The following UBXN4 variants were observed in gnomAD, a reference collection of about 807,000 sequenced individuals.
The protein encoded by UBXN4 is UBX domain-containing protein 4.
Under a neutral mutation model 66.2 loss-of-function variants are expected in UBXN4, and 35 were observed. The ratio of observed to expected loss-of-function variants is 0.53; its 90% confidence interval spans 0.40 to 0.70. The LOEUF (loss-of-function observed/expected upper bound fraction) is 0.70, where lower values mean the gene tolerates loss of function less well. Among genes scored for constraint, UBXN4 ranks in the 30% least tolerant of loss-of-function variants. UBXN4 has a pLI of 0.00. For missense variants in UBXN4, 533 were observed against 599.8 expected (o/e 0.89, Z 1.16); for synonymous variants, 203 against 204.5 (o/e 0.99, Z 0.06).
chr2:135,778,731 G>A (rs1447757884), intron 10 of UBXN4, among the ~76,000 whole-genome samples: 1 of 152,124 alleles, frequency 6.6e-6, no homozygotes, highest in Non-Finnish European at 1.5e-5. Flanking sequence ...CTATTTTGTG[G>A]TCATCTTTGA....
intron 9 of UBXN4, among the ~76,000 whole-genome samples, chr2:135,774,947 G>T (rs573891971): frequency 6.6e-6 from 1 of 152,052 alleles, no homozygotes; most frequent in African/African-American, 2.4e-5. Flanking sequence ...AAAAGAACCT[G>T]TGACTCAATT....
Position 135,782,820 on chromosome 2 carries a change from T to G in UBXN4, c.1460T>G (p.Leu487Ter), listed in dbSNP as rs953595534. 5.0e-6 allele frequency: 8 copies of G among 1,613,800 alleles called. No individual in the cohort carries two copies. Among genetic ancestry groups the G allele is most frequent in the Non-Finnish European group, 6.8e-6 (8 of 1,179,906 alleles). Residue 487 changes from leucine to a stop codon, truncating the protein, a stop_gained, in exon 13 of 13, where the codon TTA becomes TGA. Coordinates refer to ENST00000272638, the MANE Select transcript of UBXN4 (RefSeq NM_014607.4). LOFTEE classifies it high-confidence loss of function. Reference sequence around the variant, plus strand: ...AAAAAGGAGGGGAAAATTTATAGATTAAGGACTCAAGATGATGGTGAAGAT... The same window carrying G: ...AAAAAGGAGGGGAAAATTTATAGATGAAGGACTCAAGATGATGGTGAAGAT... ...DFKKEGKIYR[L>*]RTQDDGEDEN...
In UBXN4 at chr2:135,755,752, AAATATT is replaced by A. The variant is rs1273208413; in HGVS notation, c.508+68_508+73del. ...GCTCCTTCACTACATTTTAATATTTAAATATTAATATTTTAAAAATATATTGTATGT... is the reference window on the plus strand; with the variant it reads ...GCTCCTTCACTACATTTTAATATTTAAATATTTTAAAAATATATTGTATGT... On this transcript the variant is annotated intron_variant, in intron 5 of 12. Coordinates refer to ENST00000272638, the MANE Select transcript of UBXN4 (RefSeq NM_014607.4). 20 of 1,035,378 alleles carry A rather than the reference AAATATT, an allele frequency of 1.9e-5. No homozygotes were observed. In the African/African-American group the frequency reaches 2.7e-4, roughly 14 times the overall value. The allele number at this position is 1,035,378 out of a possible 1,614,324, so 64.1% of individuals were successfully genotyped here. A position where few individuals can be genotyped will look rare whatever the true frequency, so the allele number is the denominator to read the frequency against.
chr2:135,782,631 TTAGA>T, intron 12 of UBXN4, 114 bp from the exon 13 acceptor site: 1 of 1,240,556 alleles, frequency 8.1e-7, no homozygotes, highest in Non-Finnish European at 1.1e-6. Flanking sequence ...TTTCCTTACT[TTAGA>T]TGGCATTAAA....
intron 2 of UBXN4, among the ~76,000 whole-genome samples, chr2:135,750,609 A>G (rs1482393983): frequency 6.6e-6 from 1 of 152,210 alleles, no homozygotes; most frequent in Admixed American, 6.5e-5. Flanking sequence ...ATCAAGTCGT[A>G]GTATAGCCTG....
rs1194335284 is a variant in UBXN4 at position 135,770,608 on chromosome 2, G to C, written c.695G>C (p.Gly232Ala). 2 of 1,536,888 alleles carry C rather than the reference G, an allele frequency of 1.3e-6. No individual in the cohort carries two copies. Among genetic ancestry groups the C allele is most frequent in the Non-Finnish European group, 1.7e-6 (2 of 1,148,596 alleles). The change falls in exon 8 of 13, where the codon GGA becomes GCA. Residue 232 changes from glycine to alanine, a missense_variant. Physicochemically the swap from Gly to Ala is moderately conservative, Grantham distance 60. This residue lies in a region of UBXN4 where 529 missense variants were observed against 580.1 expected (regional missense o/e 0.91). Transcript: ENST00000272638. ...AAGGAAATTGAGAGGAGAAAAACTG[G>C]AAAAGAAATGTTGGATTATAAAAGA... ...IKKEIERRKT[G>A]KEMLDYKRKQ...
chr2:135,761,689 C>T (rs1304088333), intron 5 of UBXN4, 129 bp from the exon 6 acceptor site: 2 of 756,602 alleles, frequency 2.6e-6, no homozygotes, highest in African/African-American at 1.8e-5. Context: ...GCTCCTTCTC[C>T]ATTTTTAGGG....
At chr2:135,743,871 A>G (rs987579499) in intron 1 of UBXN4, among the ~76,000 whole-genome samples, 6 of 151,946 alleles carry the variant, frequency 3.9e-5, no homozygotes, top group African/African-American at 1.4e-4. Flanking sequence ...GTGTATATAT[A>G]TATACTTTCT....
intron 4 of UBXN4, among the ~76,000 whole-genome samples, 171 bp downstream of exon 4, chr2:135,754,448 A>G (rs2077267331): frequency 6.6e-6 from 1 of 151,758 alleles, no homozygotes; most frequent in Non-Finnish European, 1.5e-5. Flanking sequence ...CCAGCCTCCC[A>G]AGTAGCTGGG....
chr2:135,778,868 T>C, intron 10 of UBXN4, 80 bp from the exon 11 acceptor site: 3 of 1,382,466 alleles, frequency 2.2e-6, no homozygotes, highest in Non-Finnish European at 2.9e-6. Flanking sequence ...GCAATGTTAA[T>C]TAAAGCATCA....
At chr2:135,766,448 T>G (rs985418696) in intron 6 of UBXN4, among the ~76,000 whole-genome samples, 7 of 152,228 alleles carry the variant, frequency 4.6e-5, no homozygotes, top group African/African-American at 1.7e-4. Flanking sequence ...ATGGCCCTTT[T>G]AACTTTTCTT....
At chr2:135,750,712 A>G (rs1214979970) in intron 2 of UBXN4, among the ~76,000 whole-genome samples, 1 of 151,566 alleles carries the variant, frequency 6.6e-6, no homozygotes, top group Non-Finnish European at 1.5e-5. Flanking sequence ...TTTATTGTTC[A>G]TCACCTTCCT....
chr2:135,769,065 C>T (rs568173931), intron 6 of UBXN4, among the ~76,000 whole-genome samples: 22 of 152,134 alleles, frequency 1.4e-4, no homozygotes, highest in Admixed American at 1.2e-3. Context: ...TGCAGTAACG[C>T]GAACGTGACT....
Position 135,780,390 on chromosome 2 carries a change from CTGTG to C in UBXN4, c.1388+11_1388+14del. ...ATCTAGCAAATCAGAAAAAAGGTAT[CTGTG>C]TGTGTTTTCCCCATTTATAAAATAT... On this transcript the variant is annotated splice_donor_region_variant and intron_variant, in intron 12 of 12. Coordinates refer to ENST00000272638, the MANE Select transcript of UBXN4 (RefSeq NM_014607.4). 2 of 1,612,704 alleles carry C rather than the reference CTGTG, an allele frequency of 1.2e-6. No individual in the cohort carries two copies. Among genetic ancestry groups the C allele is most frequent in the Non-Finnish European group, 1.7e-6 (2 of 1,178,718 alleles).
Position 135,784,500 on chromosome 2 carries a change from A to C in UBXN4, c.*1613A>C, listed in dbSNP as rs2077471407. The C allele has an allele frequency of 6.6e-6, 1 of 152,314 alleles. No individual in the cohort carries two copies. Among genetic ancestry groups the C allele is most frequent in the African/African-American group, 2.4e-5 (1 of 41,456 alleles). 9.4% of individuals were successfully genotyped at this position (152,314 alleles called of 1,614,324 possible). A position where few individuals can be genotyped will look rare whatever the true frequency, so the allele number is the denominator to read the frequency against. On this transcript the variant is annotated 3_prime_UTR_variant, in exon 13 of 13. Transcript: ENST00000272638. ...AGAAATCACACCATTAATAATGGTA[A>C]GATTGGTTTATGTGATTTTAGTGGT...
Position 135,783,978 on chromosome 2 carries a change from A to G in UBXN4, c.*1091A>G, listed in dbSNP as rs769780494. 2.6e-5 allele frequency: 4 copies of G among 152,102 alleles called. No homozygotes were observed. The highest frequency in any genetic ancestry group is 4.4e-5 in the Non-Finnish European group (3 of 68,008). The allele number at this position is 152,102 out of a possible 1,614,324, so 9.4% of individuals were successfully genotyped here. A position where few individuals can be genotyped will look rare whatever the true frequency, so the allele number is the denominator to read the frequency against. On this transcript the variant is annotated 3_prime_UTR_variant, in exon 13 of 13. Transcript: ENST00000272638. ...GGACATACGGAAAGACTGTGACTTTATTTTGTAATGGGAGGAAGAAATTTT... is the reference window on the plus strand; with the variant it reads ...GGACATACGGAAAGACTGTGACTTTGTTTTGTAATGGGAGGAAGAAATTTT...
At position 135,784,697 on chromosome 2, in the gene UBXN4, G is replaced by T. The variant is rs894820825; in HGVS notation, c.*1810G>T. On this transcript the variant is annotated 3_prime_UTR_variant, in exon 13 of 13. Transcript: ENST00000272638. Reference sequence around the variant, plus strand: ...ACTTTTTAAAAAAGCTGTCAAATAGGTGTGACCCTACTAATAATTATTAGA... The same window carrying T: ...ACTTTTTAAAAAAGCTGTCAAATAGTTGTGACCCTACTAATAATTATTAGA... The T allele has an allele frequency of 1.3e-5, 2 of 152,532 alleles. No homozygotes were observed. Among genetic ancestry groups the T allele is most frequent in the African/African-American group, 4.8e-5 (2 of 41,418 alleles). 9.4% of individuals were successfully genotyped at this position (152,532 alleles called of 1,614,324 possible).
chr2:135,758,048 A>G (rs1437443486), intron 5 of UBXN4, among the ~76,000 whole-genome samples: 2 of 150,458 alleles, frequency 1.3e-5, no homozygotes, highest in Admixed American at 1.3e-4. Flanking sequence ...AGCTAGGACT[A>G]CAGGTGTGCA....
chr2:135,746,978 C>T (rs1262885466), intron 1 of UBXN4, among the ~76,000 whole-genome samples: 1 of 151,686 alleles, frequency 6.6e-6, no homozygotes, highest in Non-Finnish European at 1.5e-5. Flanking sequence ...GATGTGATAG[C>T]TTGGATCAGG....
Sources: allele counts gnomAD v4.1 joint callset (sites outside exome capture counted in the v4.1 genomes callset), GRCh38; gene constraint gnomAD v4.1.1; regional missense constraint gnomAD v4.1.1; transcripts MANE v1.5; gene names NCBI Gene and HGNC (gene_info 2026-07-23, HGNC 2026-07-21).